The following ARID1B variants were observed in gnomAD, a reference collection of about 807,000 sequenced individuals.
ARID1B encodes the protein AT-rich interactive domain-containing protein 1B.
ARID1B carries 30 observed loss-of-function variants against 212.3 expected under a neutral mutation model. The observed-to-expected ratio is 0.14, with a 90% CI of 0.11 to 0.19. The LOEUF (loss-of-function observed/expected upper bound fraction) is 0.19, where lower values mean the gene tolerates loss of function less well. ARID1B is among the 10% of genes least tolerant of loss of function. The probability of loss-of-function intolerance (pLI) is 1.00; values close to 1 mark genes in which losing one functional copy is unlikely to be tolerated. For missense variants in ARID1B, 2,891 were observed against 3,204.0 expected, an observed-to-expected ratio of 0.90 and a Z score of 2.36; for synonymous variants, 1,402 against 1,301.7, an observed-to-expected ratio of 1.08 and a Z score of -1.66.
chr6:156,808,115 A>G (rs1583076419), intron 1 of ARID1B, among the ~76,000 whole-genome samples: 2 of 152,266 alleles, frequency 1.3e-5, no homozygotes, highest in Admixed American at 1.3e-4. Flanking sequence ...AAGCAGAGGT[A>G]GATATTTCAA....
At chr6:157,037,877 A>T (rs536843005) in intron 4 of ARID1B, among the ~76,000 whole-genome samples, 1 of 152,294 alleles carries the variant, frequency 6.6e-6, no homozygotes, top group South Asian at 2.1e-4. Flanking sequence ...CTGCTGGGGT[A>T]TGCAGAGTAG....
chr6:157,195,225 G>A (rs576834879), intron 15 of ARID1B: 1 of 152,216 alleles, frequency 6.6e-6, no homozygotes, highest in Non-Finnish European at 1.5e-5. Context: ...GGGTCCCACA[G>A]GCTAAAATCA....
At chr6:156,853,547 G>T (rs942100592) in intron 2 of ARID1B, among the ~76,000 whole-genome samples, 4 of 151,900 alleles carry the variant, frequency 2.6e-5, no homozygotes, top group Admixed American at 2.0e-4. Flanking sequence ...GAGGGGGCAA[G>T]GTGTAGAAAT....
chr6:157,123,247 C>CCA (rs796444034), intron 6 of ARID1B, among the ~76,000 whole-genome samples: 330 of 111,826 alleles, frequency 3.0e-3, no homozygotes, highest in African/African-American at 0.01. Flanking sequence ...CGCCCCCCCC[C>CCA]CACACACACA....
chr6:156,998,640 C>T (rs1243524109), intron 4 of ARID1B, among the ~76,000 whole-genome samples: 1 of 152,198 alleles, frequency 6.6e-6, no homozygotes, highest in Non-Finnish European at 1.5e-5. Context: ...CCAGTGGACT[C>T]ATCCTGAGGC....
chr6:156,855,738 C>G (rs1046206774), intron 2 of ARID1B, among the ~76,000 whole-genome samples: 2 of 151,958 alleles, frequency 1.3e-5, no homozygotes, highest in Non-Finnish European at 2.9e-5. Context: ...TGTGAGTGTG[C>G]GTGCATGTGA....
Position 157,203,696 on chromosome 6 carries a change from G to T in ARID1B, c.5264-170G>T. On this transcript the variant is annotated intron_variant, in intron 18 of 19. Transcript: ENST00000636930. This position sits in a 1 kb window ranked among gnomAD's most constrained non-coding sequence, Gnocchi z 4.4. ...ACAAAAGTTTCTCGTTACAGCTATG[G>T]CCTCCATTTAAAATCGGAAATGATC... 1.2e-6 allele frequency: 1 copy of T among 835,968 alleles called. No homozygotes were observed. Among genetic ancestry groups the T allele is most frequent in the Non-Finnish European group, 1.9e-6 (1 of 527,390 alleles). The allele number at this position is 835,968 out of a possible 1,614,324, so 51.8% of individuals were successfully genotyped here. A position where few individuals can be genotyped will look rare whatever the true frequency, so the allele number is the denominator to read the frequency against.
intron 9 of ARID1B, chr6:157,173,676 T>A: frequency 5.6e-6 from 1 of 177,344 alleles, no homozygotes; most frequent in Non-Finnish European, 1.2e-5. Flanking sequence ...ATTAGTAATT[T>A]AAACATTTGC....
At position 157,070,757 on chromosome 6, in the gene ARID1B, G is replaced by A. The variant is rs145743018; in HGVS notation, c.2248-13905G>A. The stretch of plus-strand genomic sequence containing the variant: ...CTAGATTAGGAACAGTTTTATTTAC[G>A]AGCATGTGAATTTTTGAGGAGGAAC... On this transcript the variant is annotated intron_variant, in intron 4 of 19. Coordinates refer to ENST00000636930, the MANE Select transcript of ARID1B (RefSeq NM_001374828.1). 1.3e-3 allele frequency among the ~76,000 whole-genome samples: 192 copies of A among 152,162 alleles called. 2 individuals carry two copies. Among genetic ancestry groups the A allele is most frequent in the African/African-American group, 4.1e-3 (172 of 41,530 alleles).
At chr6:157,157,374 C>T (rs982675777) in intron 8 of ARID1B, among the ~76,000 whole-genome samples, 1 of 152,184 alleles carries the variant, frequency 6.6e-6, no homozygotes, top group African/African-American at 2.4e-5. Context: ...TTCTGAGTTA[C>T]GAAAGGCAGG....
upstream of ARID1B, chr6:156,776,963 T>C (rs755185701): frequency 5.3e-5 from 8 of 152,206 alleles, no homozygotes; most frequent in Admixed American, 6.5e-5. Context: ...CTTTTGCAGA[T>C]TGCCTAAATA....
chr6:156,994,957 G>A (rs946834319), intron 4 of ARID1B, among the ~76,000 whole-genome samples: 1 of 152,240 alleles, frequency 6.6e-6, no homozygotes, highest in Non-Finnish European at 1.5e-5. Flanking sequence ...GGGGCTGGGT[G>A]GACTGAGGGC....
rs1477901704 is a variant in ARID1B at position 156,779,447 on chromosome 6, C to G, written c.1767C>G (p.Pro589=). ...RSHPAMSPGT[P]GPTMGRSQGS... is the part of the protein sequence containing the mutation. The stretch of plus-strand genomic sequence containing the variant: ...ACCCGGCGATGAGCCCCGGCACCCC[C>G]GGACCGACCATGGGCAGATCCCAGG... The change falls in exon 1 of 20, where the codon CCC becomes CCG. Residue 589 remains proline (P), a synonymous_variant. Coordinates refer to ENST00000636930, the MANE Select transcript of ARID1B (RefSeq NM_001374828.1). 1 of 1,456,238 alleles carries G rather than the reference C, an allele frequency of 6.9e-7. No individual in the cohort carries two copies. The highest frequency in any genetic ancestry group is 1.9e-4 in the Middle Eastern group (1 of 5,196). 90.2% of individuals were successfully genotyped at this position (1,456,238 alleles called of 1,614,324 possible). A position where few individuals can be genotyped will look rare whatever the true frequency, so the allele number is the denominator to read the frequency against.
At chr6:157,031,060 G>GTTT (rs113662756) in intron 4 of ARID1B, among the ~76,000 whole-genome samples, 1 of 146,188 alleles carries the variant, frequency 6.8e-6, no homozygotes, top group African/African-American at 2.5e-5. Flanking sequence ...CTTATGGTTG[G>GTTT]TTTTTTTTTT....
chr6:157,140,017 C>T (rs933290503), intron 7 of ARID1B, among the ~76,000 whole-genome samples: 2 of 152,008 alleles, frequency 1.3e-5, no homozygotes, highest in African/African-American at 2.4e-5. Context: ...AGCCACCGTG[C>T]CCAGCCTTTT....
intron 8 of ARID1B, among the ~76,000 whole-genome samples, chr6:157,160,659 G>C (rs761149772): frequency 5.9e-5 from 9 of 152,108 alleles, no homozygotes; most frequent in Non-Finnish European, 1.0e-4. Flanking sequence ...GTGTCTTCCT[G>C]TTTCTCTTAG....
chr6:156,867,559 T>C (rs754189696), intron 2 of ARID1B, among the ~76,000 whole-genome samples: 5 of 152,240 alleles, frequency 3.3e-5, no homozygotes, highest in Non-Finnish European at 7.3e-5. Flanking sequence ...GGTGTCATTA[T>C]TAGGAATACC....
In ARID1B at chr6:157,133,016, T is replaced by C. The variant is rs1223978692; in HGVS notation, c.2582-12T>C. ...ACCTGCATTTATATGTTTCCATTTA[T>C]TTCCCACTTAGGTTTTATGGCAGGC... On this transcript the variant is annotated splice_polypyrimidine_tract_variant and intron_variant, in intron 6 of 19. Transcript: ENST00000636930. The C allele has an allele frequency of 4.4e-6, 7 of 1,593,124 alleles. No individual in the cohort carries two copies. Among genetic ancestry groups the C allele is most frequent in the Non-Finnish European group, 6.0e-6 (7 of 1,171,624 alleles).
At chr6:156,876,549 G>GC (rs979849408) in intron 2 of ARID1B, among the ~76,000 whole-genome samples, 2 of 152,158 alleles carry the variant, frequency 1.3e-5, no homozygotes, top group Non-Finnish European at 2.9e-5. Context: ...TCCACCGTTT[G>GC]CCCCCATAAA....
Sources: allele counts gnomAD v4.1 joint callset (sites outside exome capture counted in the v4.1 genomes callset), GRCh38; gene constraint gnomAD v4.1.1; non-coding constraint Gnocchi (gnomAD v3.1); transcripts MANE v1.5; gene names NCBI Gene and HGNC (gene_info 2026-07-23, HGNC 2026-07-21).